The following CAMK1D variants were observed in gnomAD, a reference collection of about 807,000 sequenced individuals.
CAMK1D encodes the protein calcium/calmodulin dependent protein kinase ID.
In CAMK1D, 9 loss-of-function variants were observed where a neutral mutation model predicts 47.7. That is an observed-to-expected ratio of 0.19 (90% CI 0.11 to 0.33). CAMK1D has a LOEUF of 0.33. Among genes scored for constraint, CAMK1D ranks in the 10% least tolerant of loss-of-function variants. CAMK1D has a pLI of 1.00. For synonymous variants in CAMK1D, 184 were observed against 184.9 expected, an observed-to-expected ratio of 0.99 and a Z score of 0.04; for missense variants, 291 against 488.7, an observed-to-expected ratio of 0.60 and a Z score of 3.81.
intron 6 of CAMK1D, among the ~76,000 whole-genome samples, chr10:12,813,573 T>A (rs1256572713): frequency 6.6e-6 from 1 of 152,154 alleles, no homozygotes; most frequent in Non-Finnish European, 1.5e-5. Flanking sequence ...CTGTGGTTAA[T>A]TCTGTGCAGA....
At chr10:12,588,709 A>G (rs1837894717) in intron 2 of CAMK1D, among the ~76,000 whole-genome samples, 2 of 152,038 alleles carry the variant, frequency 1.3e-5, no homozygotes, top group South Asian at 4.1e-4. Context: ...CCATGTTGCC[A>G]TTCTCAACTT....
At chr10:12,584,065 C>T (rs1386466082) in intron 2 of CAMK1D, among the ~76,000 whole-genome samples, 1 of 152,144 alleles carries the variant, frequency 6.6e-6, no homozygotes, top group African/African-American at 2.4e-5. Flanking sequence ...TCCTTTTTAT[C>T]TTTGCATGCT....
At chr10:12,814,776 A>G (rs11258013) in intron 7 of CAMK1D, among the ~76,000 whole-genome samples, 30,565 of 152,142 alleles carry the variant, frequency 0.2, 3,785 homozygotes, top group Admixed American at 0.3. Flanking sequence ...GGGATTAACA[A>G]ACTCACAGCA....
chr10:12,431,850 G>C (rs926341324), intron 1 of CAMK1D, among the ~76,000 whole-genome samples: 1 of 152,216 alleles, frequency 6.6e-6, no homozygotes, highest in African/African-American at 2.4e-5. Context: ...GAGGATTTGA[G>C]GATGTTCTTG....
intron 1 of CAMK1D, among the ~76,000 whole-genome samples, chr10:12,544,276 T>G (rs1169754346): frequency 6.6e-6 from 1 of 152,258 alleles, no homozygotes; most frequent in Non-Finnish European, 1.5e-5. Context: ...ATAATGGCTT[T>G]CTTTATCATT....
intron 2 of CAMK1D, among the ~76,000 whole-genome samples, chr10:12,649,435 G>A (rs1401082248): frequency 5.9e-5 from 9 of 152,334 alleles, no homozygotes; most frequent in South Asian, 4.1e-4. Flanking sequence ...TCCCCTCTGC[G>A]TCCACGGAAA....
At position 12,734,366 on chromosome 10, in the gene CAMK1D, A is replaced by ATC. The variant is rs1485946488; in HGVS notation, c.300-26581_300-26580insCT. The stretch of plus-strand genomic sequence containing the variant: ...AAAAAATATATATATATATATATAT[A>ATC]TATATATATATAGATATAGATATAG... On this transcript the variant is annotated intron_variant, in intron 3 of 10. Transcript: ENST00000619168. Among the ~76,000 whole-genome samples the ATC allele has an allele frequency of 9.4e-3, 186 of 19,700 alleles. 25 individuals carry two copies. Among genetic ancestry groups the ATC allele is most frequent in the Middle Eastern group, 0.023 (1 of 44 alleles). 12.9% of individuals were successfully genotyped at this position (19,700 alleles called of 152,430 possible).
chr10:12,362,536 C>T (rs900727465), intron 1 of CAMK1D, among the ~76,000 whole-genome samples: 16 of 152,264 alleles, frequency 1.1e-4, no homozygotes, highest in Non-Finnish European at 1.8e-4. Context: ...CTCGCCCCGT[C>T]CCCCAGGCTG....
chr10:12,462,427 G>A (rs1833461905), intron 1 of CAMK1D, among the ~76,000 whole-genome samples: 1 of 151,300 alleles, frequency 6.6e-6, no homozygotes, highest in Non-Finnish European at 1.5e-5. Flanking sequence ...GCCTCCCAAA[G>A]TGCTGGGATT....
intron 3 of CAMK1D, among the ~76,000 whole-genome samples, chr10:12,751,124 A>G (rs186081778): frequency 7.5e-5 from 9 of 120,364 alleles, no homozygotes; most frequent in South Asian, 2.6e-4. Flanking sequence ...AAGATAAGAT[A>G]AGAAGGCTTC....
intron 2 of CAMK1D, among the ~76,000 whole-genome samples, chr10:12,558,811 G>A (rs1410828810): frequency 1.3e-5 from 2 of 152,144 alleles, no homozygotes; most frequent in Admixed American, 6.5e-5. Context: ...TCAACATGCT[G>A]TTCTGATGCC....
chr10:12,660,895 T>A (rs1362509448), intron 2 of CAMK1D, among the ~76,000 whole-genome samples: 1 of 152,246 alleles, frequency 6.6e-6, no homozygotes, highest in Non-Finnish European at 1.5e-5. Context: ...GGCCATACTT[T>A]GGAAAGAGTG....
chr10:12,442,721 A>T (rs1003849922), intron 1 of CAMK1D, among the ~76,000 whole-genome samples: 1 of 152,150 alleles, frequency 6.6e-6, no homozygotes, highest in Admixed American at 6.5e-5. Flanking sequence ...AAGGTTTTAT[A>T]TCGAGTGTTT....
chr10:12,711,003 A>T (rs909567908), intron 3 of CAMK1D, among the ~76,000 whole-genome samples: 2 of 152,164 alleles, frequency 1.3e-5, no homozygotes, highest in Non-Finnish European at 2.9e-5. Flanking sequence ...GTATTTCATC[A>T]TGCAGTCAAA....
At chr10:12,761,466 C>T (rs1032269797) in intron 4 of CAMK1D, among the ~76,000 whole-genome samples, 1 of 152,086 alleles carries the variant, frequency 6.6e-6, no homozygotes, top group Non-Finnish European at 1.5e-5. Flanking sequence ...AGCCCCATTG[C>T]AGCACAACAC....
Position 12,722,613 on chromosome 10 carries a change from C to T in CAMK1D, c.300-38335C>T, listed in dbSNP as rs959170575. On this transcript the variant is annotated intron_variant, in intron 3 of 10. Transcript: ENST00000619168. ...AGAGAAGTTATGAGGAATTCTTAGC[C>T]AAACACTGGGCACACAATAGCCATT... Among the ~76,000 whole-genome samples the T allele has an allele frequency of 2.0e-5, 3 of 152,090 alleles. No individual in the cohort carries two copies. The East Asian group carries it at 5.8e-4, about 29-fold the overall frequency.
rs1833176892 is a variant in CAMK1D, at chr10:12,825,657, T to C, written c.1006T>C (p.Ser336Pro). 7 of 1,614,244 alleles carry C rather than the reference T, an allele frequency of 4.3e-6. No homozygotes were observed. In the South Asian group the frequency reaches 5.5e-5, roughly 13 times the overall value. ...CCTGGACAGTTCAAATGCAAGTGTT[T>C]CGAGCAGCCTCAGTTTGGCCAGCCA... ...SSLDSSNASVSSSLSLASQKD... is the reference protein window; with the variant it reads ...SSLDSSNASVPSSLSLASQKD... Residue 336 changes from serine to proline, a missense_variant, in exon 10 of 11, where the codon TCG becomes CCG. By Grantham distance (74) the Ser-to-Pro change is moderately conservative (BLOSUM62 -1). Coordinates refer to ENST00000619168, the MANE Select transcript of CAMK1D (RefSeq NM_153498.4).
intron 3 of CAMK1D, among the ~76,000 whole-genome samples, chr10:12,748,528 A>G (rs1483913852): frequency 6.6e-6 from 1 of 152,122 alleles, no homozygotes; most frequent in African/African-American, 2.4e-5. Context: ...TGCTTTCTGG[A>G]ATGTGAATAA....
intron 1 of CAMK1D, among the ~76,000 whole-genome samples, chr10:12,437,134 C>T (rs892513573): frequency 1.1e-4 from 6 of 53,478 alleles, no homozygotes; most frequent in South Asian, 1.3e-3. Flanking sequence ...TTAAACAGAC[C>T]GACTATCTAT....
Sources: allele counts gnomAD v4.1 joint callset (sites outside exome capture counted in the v4.1 genomes callset), GRCh38; gene constraint gnomAD v4.1.1; transcripts MANE v1.5; gene names NCBI Gene and HGNC (gene_info 2026-07-23, HGNC 2026-07-21).